CXCL12: variants seen among roughly 807,000 people sequenced by gnomAD.
CXCL12 encodes the protein stromal cell-derived factor 1.
Under a neutral mutation model 10.7 loss-of-function variants are expected in CXCL12, and 4 were observed. The ratio of observed to expected loss-of-function variants is 0.37; its 90% CI spans 0.18 to 0.86. CXCL12 has a LOEUF of 0.86. Ranked by LOEUF, CXCL12 falls within the 40% of genes least tolerant of loss-of-function variation. The probability of loss-of-function intolerance (pLI) is 0.43; values close to 1 mark genes in which losing one functional copy is unlikely to be tolerated. For missense variants in CXCL12, 122 were observed against 110.4 expected (o/e 1.10, Z -0.47); for synonymous variants, 54 against 45.4 (o/e 1.19, Z -0.77).
chr10:44,383,614 G>C (rs1406868374), intron 1 of CXCL12, among the ~76,000 whole-genome samples: 10 of 137,866 alleles, frequency 7.3e-5, no homozygotes, highest in South Asian at 2.7e-4. Context: ...ACTTGCGGGG[G>C]GGGGGGGGGG....
intron 2 of CXCL12, among the ~76,000 whole-genome samples, chr10:44,378,950 G>A (rs564556708): frequency 1.4e-4 from 22 of 152,252 alleles, no homozygotes; most frequent in African/African-American, 4.8e-4. Flanking sequence ...AAGTCTTTCC[G>A]GGGCAGTGCA....
At chr10:44,374,374 T>C, downstream of CXCL12, 2 of 444,432 alleles carry the variant, frequency 4.5e-6, no homozygotes, top group South Asian at 1.6e-5. Flanking sequence ...AAGAGTCCCA[T>C]GGACTAGAGT....
downstream of CXCL12, chr10:44,371,290 T>C: frequency 4.8e-6 from 2 of 412,414 alleles, no homozygotes; most frequent in South Asian, 1.8e-5. Context: ...GTAGTCAAGA[T>C]TTAGGGTCAT....
chr10:44,376,174 G>A (rs143948777), downstream of CXCL12: 105 of 792,668 alleles, frequency 1.3e-4, no homozygotes, highest in African/African-American at 1.7e-3. Context: ...TCAAAGCACT[G>A]TTTATCAGTA....
At chr10:44,374,380 A>G, downstream of CXCL12, 1 of 450,728 alleles carries the variant, frequency 2.2e-6, no homozygotes, top group South Asian at 1.6e-5. Context: ...CCCATGGACT[A>G]GAGTGGCTAC....
chr10:44,374,145 G>C (rs1839389127), downstream of CXCL12: 3 of 322,272 alleles, frequency 9.3e-6, no homozygotes, highest in Non-Finnish European at 1.2e-5. Flanking sequence ...CCCACTCTCA[G>C]TCCCTGCAGA....
intron 1 of CXCL12, among the ~76,000 whole-genome samples, chr10:44,381,666 G>A (rs1238444610): frequency 6.6e-6 from 1 of 152,186 alleles, no homozygotes; most frequent in African/African-American, 2.4e-5. Context: ...AATTAGCAAG[G>A]GGCTCCTGCA....
At chr10:44,383,611 G>GT (rs71020334) in intron 1 of CXCL12, among the ~76,000 whole-genome samples, 8 of 76,770 alleles carry the variant, frequency 1.0e-4, no homozygotes, top group South Asian at 5.2e-4. Context: ...ATGACTTGCG[G>GT]GGGGGGGGGG....
chr10:44,375,462 C>G (rs1839425812), downstream of CXCL12, among the ~76,000 whole-genome samples: 5 of 115,072 alleles, frequency 4.3e-5, no homozygotes, highest in Admixed American at 5.1e-4. Context: ...GTGGCACACC[C>G]CCTTCCTGGC....
At chr10:44,376,473 T>C (rs577462583), downstream of CXCL12, among the ~76,000 whole-genome samples, 1 of 152,322 alleles carries the variant, frequency 6.6e-6, no homozygotes, top group African/African-American at 2.4e-5. Context: ...GAATAACGTT[T>C]TGGAGGCTGC....
downstream of CXCL12, chr10:44,375,850 G>A: frequency 1.9e-6 from 3 of 1,584,866 alleles, 1 homozygote; most frequent in Middle Eastern, 2.3e-4. Context: ...TGCCCAGTCT[G>A]CATGGGGGTC....
rs1839488794 is a variant in CXCL12 at position 44,377,448 on chromosome 10, A to G, written c.*1185T>C. ...ATAAAAAAATGCCTTGCAAAAAGTT[A>G]CAAATACCACCAGGACCTTCTGTGG... On this transcript the variant is annotated 3_prime_UTR_variant, in exon 3 of 3. Transcript: ENST00000343575. The G allele has an allele frequency of 1.7e-6, 2 of 1,168,194 alleles. No individual in the cohort carries two copies. The highest frequency in any genetic ancestry group is 1.6e-5 in the African/African-American group (1 of 61,782). 72.4% of individuals were successfully genotyped at this position (1,168,194 alleles called of 1,614,324 possible). A position where few individuals can be genotyped will look rare whatever the true frequency, so the allele number is the denominator to read the frequency against.
In CXCL12 at chr10:44,377,136, C is replaced by T. The variant is rs946817742; in HGVS notation, c.*1497G>A. 7 of 985,972 alleles carry T rather than the reference C, an allele frequency of 7.1e-6. No individual in the cohort carries two copies. Among genetic ancestry groups the T allele is most frequent in the Non-Finnish European group, 8.4e-6 (7 of 830,500 alleles). The allele number at this position is 985,972 out of a possible 1,614,324, so 61.1% of individuals were successfully genotyped here. A position where few individuals can be genotyped will look rare whatever the true frequency, so the allele number is the denominator to read the frequency against. On this transcript the variant is annotated 3_prime_UTR_variant, in exon 3 of 3. Transcript: ENST00000343575. ...CCCACATACAGTAGGACGTTTATAC[C>T]ATGAAACAATTAGCATTTTATTGCT...
rs961383389 is a variant in CXCL12 at position 44,377,994 on chromosome 10, C to T, written c.*639G>A. On this transcript the variant is annotated 3_prime_UTR_variant, in exon 3 of 3. Coordinates refer to ENST00000343575, the MANE Select transcript of CXCL12 (RefSeq NM_199168.4). ...TAGCTGGGAGAGGGGTCTCTGAGCA[C>T]AGTCCCAGTAATAGTGGCTTCTACA... The T allele has an allele frequency of 3.3e-6, 5 of 1,511,008 alleles. No homozygotes were observed. Among genetic ancestry groups the T allele is most frequent in the Admixed American group, 4.7e-5 (2 of 42,420 alleles). 93.6% of individuals were successfully genotyped at this position (1,511,008 alleles called of 1,614,324 possible). A position where few individuals can be genotyped will look rare whatever the true frequency, so the allele number is the denominator to read the frequency against.
chr10:44,382,612 C>T (rs1356670306), intron 1 of CXCL12, among the ~76,000 whole-genome samples: 2 of 152,054 alleles, frequency 1.3e-5, no homozygotes, highest in South Asian at 2.1e-4. Context: ...GCTCCTCTGG[C>T]CCCCCAACCA....
chr10:44,384,079 T>C (rs1839720824), intron 1 of CXCL12, among the ~76,000 whole-genome samples: 1 of 152,196 alleles, frequency 6.6e-6, no homozygotes. Flanking sequence ...GACACCACGG[T>C]TCCCAGTGGC....
exon 4 of CXCL12, chr10:44,370,792 A>C (rs1272043915): frequency 6.6e-6 from 1 of 152,306 alleles, no homozygotes; most frequent in Non-Finnish European, 1.5e-5. Flanking sequence ...TCTAATAACA[A>C]GCAGAGTGCC....
In CXCL12 at chr10:44,377,832, C is replaced by G. The variant is rs535498902; in HGVS notation, c.*801G>C. The G allele has an allele frequency of 4.4e-6, 7 of 1,595,402 alleles. No individual in the cohort carries two copies. Among genetic ancestry groups the G allele is most frequent in the Non-Finnish European group, 5.1e-6 (6 of 1,178,682 alleles). The stretch of plus-strand genomic sequence containing the variant: ...CAGAGGGCCCGAGCTGTGGGGCAGG[C>G]CCTGGGAGGAGAGGGATGCAGGGCA... On this transcript the variant is annotated 3_prime_UTR_variant, in exon 3 of 3. Transcript: ENST00000343575.
At chr10:44,376,157 C>A, downstream of CXCL12, 2 of 984,200 alleles carry the variant, frequency 2.0e-6, no homozygotes, top group Non-Finnish European at 3.0e-6. Flanking sequence ...GGCCTGGAGG[C>A]CCCTGGTCAA....
Sources: allele counts gnomAD v4.1 joint callset (sites outside exome capture counted in the v4.1 genomes callset), GRCh38; gene constraint gnomAD v4.1.1; transcripts MANE v1.5; gene names NCBI Gene and HGNC (gene_info 2026-07-23, HGNC 2026-07-21).